Variants in GART observed in about 807,000 individuals in gnomAD.
GART encodes phosphoribosylglycinamide formyltransferase, phosphoribosylglycinamide synthetase, phosphoribosylaminoimidazole synthetase, also known as trifunctional purine biosynthetic protein adenosine-3.
In GART, 43 loss-of-function variants were observed where a neutral mutation model predicts 107.2. That is an observed-to-expected ratio of 0.40 (90% CI 0.31 to 0.52). GART has a LOEUF of 0.52. Ranked by LOEUF, GART falls within the 20% of genes least tolerant of loss-of-function variation. The pLI, the probability that GART is intolerant of heterozygous loss-of-function variation, is 0.52. For synonymous variants in GART, 434 were observed against 427.0 expected (o/e 1.02, Z -0.20); for missense variants, 1,107 against 1,206.5 (o/e 0.92, Z 1.22).
At chr21:33,522,805 C>A (rs954821119) in intron 11 of GART, among the ~76,000 whole-genome samples, 14 of 152,196 alleles carry the variant, frequency 9.2e-5, no homozygotes, top group Non-Finnish European at 1.6e-4. Context: ...CAGACCCTGG[C>A]AACCATCTGT....
At chr21:33,526,410 G>C (rs1783449342) in intron 10 of GART, among the ~76,000 whole-genome samples, 2 of 152,248 alleles carry the variant, frequency 1.3e-5, no homozygotes, top group African/African-American at 4.8e-5. Flanking sequence ...CTGACCTCAA[G>C]TGATCTGCCC....
intron 6 of GART, 99 bp downstream of exon 6, chr21:33,531,390 A>T: frequency 9.8e-7 from 1 of 1,019,564 alleles, no homozygotes; most frequent in Non-Finnish European, 1.5e-6. Context: ...TTATGTTTTT[A>T]GATGAAGCAA....
Position 33,539,163 on chromosome 21 carries a change from A to T in GART, c.145+8T>A. ...TAACTATTACTCCCCACTTTAAAACATGATTACCGGTATTTGAAATCTTTT... is the reference window on the plus strand; with the variant it reads ...TAACTATTACTCCCCACTTTAAAACTTGATTACCGGTATTTGAAATCTTTT... On this transcript the variant is annotated splice_region_variant and intron_variant, in intron 2 of 21. Transcript: ENST00000381815. 6.2e-7 allele frequency: 1 copy of T among 1,609,802 alleles called. No individual in the cohort carries two copies.
At position 33,528,880 on chromosome 21, in the gene GART, C is replaced by G. The variant is rs754962299; in HGVS notation, c.781G>C (p.Gly261Arg). The G allele has an allele frequency of 3.5e-5, 57 of 1,613,206 alleles. No homozygotes were observed. Among genetic ancestry groups the G allele is most frequent in the Non-Finnish European group, 4.8e-5 (57 of 1,179,502 alleles). Reference protein sequence around the residue: ...KDTVLQRTVDGMQQEGTPYTG... With the variant: ...KDTVLQRTVDRMQQEGTPYTG... ...TATGGAGTACCCTCTTGCTGCATGC[C>G]ATCCACTGTCCTCTGAAGAACAGTA... Residue 261 changes from glycine to arginine, a missense_variant, in exon 8 of 22, where the codon GGC becomes CGC. Physicochemically the swap from Gly to Arg is moderately radical, Grantham distance 125. Transcript: ENST00000381815.
At chr21:33,511,991 C>T (rs866536919) in intron 16 of GART, among the ~76,000 whole-genome samples, 1 of 151,864 alleles carries the variant, frequency 6.6e-6, no homozygotes, top group African/African-American at 2.4e-5. Flanking sequence ...TTCTCTCGGC[C>T]GGGCGTGAGA....
At chr21:33,529,501 G>A (rs1375374407) in intron 7 of GART, 1 of 143,940 alleles carries the variant, frequency 6.9e-6, no homozygotes, top group Non-Finnish European at 1.5e-5. Flanking sequence ...TGTCCAGGCT[G>A]GAGTGCAATG....
chr21:33,516,454 C>T (rs183484380), intron 16 of GART, among the ~76,000 whole-genome samples: 6 of 152,290 alleles, frequency 3.9e-5, no homozygotes, highest in Middle Eastern at 3.4e-3. Flanking sequence ...ACTTCAACTT[C>T]TGCTCACAGT....
Position 33,539,190 on chromosome 21 carries a change from A to T in GART, c.126T>A (p.Ser42=), listed in dbSNP as rs1282480033. 6.2e-7 allele frequency: 1 copy of T among 1,612,902 alleles called. No individual in the cohort carries two copies. The highest frequency in any genetic ancestry group is 8.5e-7 in the Non-Finnish European group (1 of 1,179,658). ...VAPGNAGTAC[S]EKISNTAISI... is the part of the protein sequence containing the mutation. Reference sequence around the variant, plus strand: ...GATTACCGGTATTTGAAATCTTTTCAGAGCAGGCAGTGCCTGCGTTTCCTG... The same window carrying T: ...GATTACCGGTATTTGAAATCTTTTCTGAGCAGGCAGTGCCTGCGTTTCCTG... The change falls in exon 2 of 22, where the codon TCT becomes TCA. Residue 42 remains serine, a synonymous_variant. Coordinates refer to ENST00000381815, the MANE Select transcript of GART (RefSeq NM_000819.5).
Position 33,528,618 on chromosome 21 carries a change from G to GGAA in GART, c.812-15_812-14insTTC. The GGAA allele has an allele frequency of 9.5e-7, 1 of 1,049,852 alleles. No homozygotes were observed. Among genetic ancestry groups the GGAA allele is most frequent in the Non-Finnish European group, 1.3e-6 (1 of 750,856 alleles). The allele number at this position is 1,049,852 out of a possible 1,614,324, so 65.0% of individuals were successfully genotyped here. A position where few individuals can be genotyped will look rare whatever the true frequency, so the allele number is the denominator to read the frequency against. Reference sequence around the variant, plus strand: ...CATAGAGAATACCTTCATTAAAAAAGAAAAAAAAAAAAAAGAGAGAAAGAA... The same window carrying GGAA: ...CATAGAGAATACCTTCATTAAAAAAGGAAAAAAAAAAAAAAAAGAGAGAAAGAA... On this transcript the variant is annotated splice_polypyrimidine_tract_variant and intron_variant, in intron 8 of 21. Coordinates refer to ENST00000381815, the MANE Select transcript of GART (RefSeq NM_000819.5).
chr21:33,519,085 A>G (rs533406064), intron 14 of GART: 2 of 292,828 alleles, frequency 6.8e-6, no homozygotes, highest in South Asian at 3.2e-5. Flanking sequence ...CTTTTCCATC[A>G]TTACGCAATT....
At chr21:33,537,077 G>A (rs1200156536) in intron 2 of GART, among the ~76,000 whole-genome samples, 1 of 152,146 alleles carries the variant, frequency 6.6e-6, no homozygotes, top group African/African-American at 2.4e-5. Flanking sequence ...AACACAACTA[G>A]GCTGAGCAGC....
intron 16 of GART, among the ~76,000 whole-genome samples, chr21:33,514,651 G>T (rs1213248614): frequency 1.3e-5 from 2 of 152,304 alleles, no homozygotes; most frequent in East Asian, 3.9e-4. Flanking sequence ...AAAGGATGAT[G>T]AATGAACTAC....
chr21:33,524,119 A>AAC, intron 11 of GART: 7 of 985,410 alleles, frequency 7.1e-6, no homozygotes, highest in Non-Finnish European at 8.4e-6. Context: ...ACGCAGTGAT[A>AAC]AAATGAGACT....
rs1258026207 is a variant in GART at position 33,524,088 on chromosome 21, AC to A, written c.1298+680del. ...ATGAATCAGTAAGAGGTCAAAAAAT[AC>A]ATTTTAGTAATAGATACAAACGCAG... On this transcript the variant is annotated intron_variant, in intron 11 of 21. Coordinates refer to ENST00000381815, the MANE Select transcript of GART (RefSeq NM_000819.5). 4.1e-6 allele frequency: 4 copies of A among 985,218 alleles called. No individual in the cohort carries two copies. In the African/African-American group the frequency reaches 7.0e-5, roughly 17 times the overall value. The allele number at this position is 985,218 out of a possible 1,614,324, so 61.0% of individuals were successfully genotyped here.
At chr21:33,515,652 C>CAAAAAAAAAAAAAAAAAAAAAAACA (rs1555890804) in intron 16 of GART, among the ~76,000 whole-genome samples, 7 of 35,864 alleles carry the variant, frequency 2.0e-4, no homozygotes, top group African/African-American at 2.6e-4. Context: ...GACTCCAACT[C>CAAAAAAAAAAAAAAAAAAAAAAACA]AAAAAAAAAA....
At chr21:33,515,652 C>CAAAAAAAAAAAAAAAAAAAAAAAAAA (rs71194850) in intron 16 of GART, among the ~76,000 whole-genome samples, 8 of 35,842 alleles carry the variant, frequency 2.2e-4, no homozygotes, top group Non-Finnish European at 2.9e-4. Flanking sequence ...GACTCCAACT[C>CAAAAAAAAAAAAAAAAAAAAAAAAAA]AAAAAAAAAA....
At chr21:33,533,052 A>G (rs2085223550) in intron 4 of GART, among the ~76,000 whole-genome samples, 1 of 152,224 alleles carries the variant, frequency 6.6e-6, no homozygotes, top group Non-Finnish European at 1.5e-5. Context: ...GTGCCAACAA[A>G]AAAAGGGCAA....
rs868074943 is a variant in GART, at chr21:33,518,697, C to A, written c.1703-1089G>T. ...ATTCAGTTTGCCTCATTCTTAATAG[C>A]CTCATCAAAACTCCTTACAAGATCT... On this transcript the variant is annotated intron_variant, in intron 14 of 21. Transcript: ENST00000381815. The A allele has an allele frequency of 9.1e-6, 4 of 440,888 alleles. 1 individual carries two copies. The highest frequency in any genetic ancestry group is 1.8e-5 in the Non-Finnish European group (4 of 223,784). The allele number at this position is 440,888 out of a possible 1,614,324, so 27.3% of individuals were successfully genotyped here.
intron 10 of GART, among the ~76,000 whole-genome samples, chr21:33,525,772 C>T (rs186321739): frequency 2.5e-4 from 38 of 151,798 alleles, no homozygotes; most frequent in African/African-American, 6.0e-4. Context: ...CTTGTGTTAT[C>T]GTAAATCTCA....
Sources: gnomAD v4.1 joint callset for allele counts (sites outside exome capture counted in the v4.1 genomes callset) on GRCh38, gnomAD v4.1.1 for gene constraint, MANE v1.5 for transcripts, NCBI Gene and HGNC (gene_info 2026-07-23, HGNC 2026-07-21) for gene names.